Variants in ITGBL1 observed in about 807,000 individuals in gnomAD.
ITGBL1 encodes the protein integrin subunit beta like 1, also known as integrin beta-like protein 1.
A neutral mutation model predicts 68.5 loss-of-function variants in ITGBL1; 51 were observed. The observed-to-expected ratio is 0.74, with a 90% CI of 0.59 to 0.94. The LOEUF (loss-of-function observed/expected upper bound fraction) is 0.94. ITGBL1 is among the 40% of genes least tolerant of loss of function. The pLI is 0.00. For missense variants in ITGBL1, 649 were observed against 647.4 expected (o/e 1.00, Z -0.03); for synonymous variants, 209 against 227.3 (o/e 0.92, Z 0.72).
At chr13:101,456,090 T>G (rs950060428) in intron 2 of ITGBL1, among the ~76,000 whole-genome samples, 1 of 152,218 alleles carries the variant, frequency 6.6e-6, no homozygotes, top group Non-Finnish European at 1.5e-5. Context: ...ACTCATAGCA[T>G]CTTAGTCACT....
At chr13:101,669,272 A>G (rs189147454) in intron 7 of ITGBL1, among the ~76,000 whole-genome samples, 1 of 152,198 alleles carries the variant, frequency 6.6e-6, no homozygotes, top group East Asian at 1.9e-4. Context: ...GTTATGAGGA[A>G]GTGTTTTTAG....
chr13:101,655,762 C>G (rs184092620), intron 7 of ITGBL1, among the ~76,000 whole-genome samples: 1 of 152,216 alleles, frequency 6.6e-6, no homozygotes, highest in African/African-American at 2.4e-5. Flanking sequence ...GGAGGCAGAT[C>G]TTATGACGCT....
chr13:101,589,438 A>T (rs1331482747), intron 6 of ITGBL1, among the ~76,000 whole-genome samples: 2 of 152,172 alleles, frequency 1.3e-5, no homozygotes, highest in African/African-American at 4.8e-5. Context: ...CAGGAACTTC[A>T]TTCTTTATGG....
intron 2 of ITGBL1, among the ~76,000 whole-genome samples, chr13:101,455,405 AC>A (rs1360301671): frequency 1.3e-5 from 2 of 152,136 alleles, no homozygotes; most frequent in African/African-American, 4.8e-5. Flanking sequence ...GGTGGCTCAC[AC>A]CTGTAATCCC....
intron 2 of ITGBL1, among the ~76,000 whole-genome samples, chr13:101,481,185 T>TGAGAGA (rs5806223): frequency 1.0e-4 from 15 of 147,676 alleles, no homozygotes; most frequent in Admixed American, 3.4e-4. Context: ...TATATACATA[T>TGAGAGA]GAGAGAGAGA....
chr13:101,510,421 G>T (rs890858943), intron 2 of ITGBL1, among the ~76,000 whole-genome samples: 1 of 152,058 alleles, frequency 6.6e-6, no homozygotes, highest in African/African-American at 2.4e-5. Context: ...TGATGGGTAT[G>T]TAGGTTGATT....
At chr13:101,686,349 G>A (rs189273252) in intron 7 of ITGBL1, among the ~76,000 whole-genome samples, 1 of 152,054 alleles carries the variant, frequency 6.6e-6, no homozygotes, top group African/African-American at 2.4e-5. Context: ...AAAAAATAAT[G>A]TGATGTATTT....
At chr13:101,508,475 A>T (rs1031057975) in intron 2 of ITGBL1, among the ~76,000 whole-genome samples, 3 of 152,188 alleles carry the variant, frequency 2.0e-5, no homozygotes, top group Non-Finnish European at 4.4e-5. Context: ...CTTTATAAGA[A>T]TATGGTTCTA....
intron 7 of ITGBL1, among the ~76,000 whole-genome samples, chr13:101,677,154 T>A (rs1053934957): frequency 5.9e-5 from 9 of 152,242 alleles, no homozygotes; most frequent in African/African-American, 2.2e-4. Context: ...TAATTAGCAC[T>A]ACTTAATAGA....
intron 6 of ITGBL1, among the ~76,000 whole-genome samples, chr13:101,588,024 T>A (rs1419878016): frequency 1.3e-5 from 2 of 152,212 alleles, no homozygotes; most frequent in Non-Finnish European, 2.9e-5. Context: ...TAGATGCAAC[T>A]GCACTTGTGC....
At chr13:101,545,718 C>T (rs995736001) in intron 2 of ITGBL1, among the ~76,000 whole-genome samples, 2 of 152,098 alleles carry the variant, frequency 1.3e-5, no homozygotes, top group African/African-American at 4.8e-5. Flanking sequence ...TCATCTTCTT[C>T]AGGGAATTTA....
rs1207083597 is a variant in ITGBL1, at chr13:101,583,443, A to G, written c.868+87A>G. 43 of 1,138,578 alleles carry G rather than the reference A, an allele frequency of 3.8e-5. No homozygotes were observed. The East Asian group carries it at 6.0e-4, about 16-fold the overall frequency. 70.5% of individuals were successfully genotyped at this position (1,138,578 alleles called of 1,614,324 possible). A position where few individuals can be genotyped will look rare whatever the true frequency, so the allele number is the denominator to read the frequency against. On this transcript the variant is annotated intron_variant, in intron 6 of 10. Coordinates refer to ENST00000376180, the MANE Select transcript of ITGBL1 (RefSeq NM_004791.3). ...AAAAAAAAAAAAGCAATTAGAAAGA[A>G]TAAATAAGACATACTGTTGGATAGC...
rs1258945328 is a variant in ITGBL1, at chr13:101,706,756, G to T, written c.1133G>T (p.Gly378Val). ...CEDLDGVVCG[G>V]HGTCSCGRCV... ...CTCCTTTCCTGTGGTTGCTTCACAG[G>T]CCACGGCACATGTTCCTGTGGTCGC... The change falls in exon 9 of 11, where the codon GGC becomes GTC. Residue 378 changes from glycine to valine, a missense_variant and splice_region_variant. Gly to Val is a moderately radical substitution (Grantham distance 109, BLOSUM62 -3). Coordinates refer to ENST00000376180, the MANE Select transcript of ITGBL1 (RefSeq NM_004791.3). The T allele has an allele frequency of 6.2e-7, 1 of 1,613,636 alleles. No homozygotes were observed. The highest frequency in any genetic ancestry group is 8.5e-7 in the Non-Finnish European group (1 of 1,179,802).
intron 6 of ITGBL1, among the ~76,000 whole-genome samples, chr13:101,592,902 A>G (rs1187692436): frequency 6.6e-6 from 1 of 152,098 alleles, no homozygotes; most frequent in Admixed American, 6.5e-5. Context: ...AGCAACAAAA[A>G]CAAATAGATA....
At chr13:101,672,306 A>C (rs2033398184) in intron 7 of ITGBL1, among the ~76,000 whole-genome samples, 1 of 152,248 alleles carries the variant, frequency 6.6e-6, no homozygotes, top group Non-Finnish European at 1.5e-5. Context: ...GGAGTTAAGA[A>C]GAAATTACTT....
intron 2 of ITGBL1, among the ~76,000 whole-genome samples, chr13:101,555,710 G>C (rs980136356): frequency 6.6e-6 from 1 of 151,872 alleles, no homozygotes; most frequent in Non-Finnish European, 1.5e-5. Context: ...GTTTTATATA[G>C]ATAAAACATT....
At chr13:101,481,754 TTTTTA>T (rs1307660356) in intron 2 of ITGBL1, among the ~76,000 whole-genome samples, 1 of 152,186 alleles carries the variant, frequency 6.6e-6, no homozygotes, top group African/African-American at 2.4e-5. Context: ...CAAGATTTTC[TTTTTA>T]TTTTGAGTTG....
chr13:101,696,960 AT>A (rs914999647), intron 8 of ITGBL1, among the ~76,000 whole-genome samples: 2 of 152,076 alleles, frequency 1.3e-5, no homozygotes, highest in Non-Finnish European at 2.9e-5. Flanking sequence ...TGTGAAGAAT[AT>A]TTTAGGCCTG....
chr13:101,636,673 T>A (rs2032180132), intron 7 of ITGBL1, among the ~76,000 whole-genome samples: 1 of 152,188 alleles, frequency 6.6e-6, no homozygotes, highest in Non-Finnish European at 1.5e-5. Context: ...AATAGCTGCA[T>A]CTTGTGCTTT....
Sources: allele counts gnomAD v4.1 joint callset (sites outside exome capture counted in the v4.1 genomes callset), GRCh38; gene constraint gnomAD v4.1.1; transcripts MANE v1.5; gene names NCBI Gene and HGNC (gene_info 2026-07-23, HGNC 2026-07-21).